The following METTL15 variants were observed in gnomAD, a reference collection of about 807,000 sequenced individuals.
METTL15 encodes the protein methyltransferase 15, mitochondrial 12S rRNA N4-cytidine.
Under a neutral mutation model 38.3 loss-of-function variants are expected in METTL15, and 34 were observed. The observed-to-expected ratio is 0.89, with a 90% CI of 0.68 to 1.18. The LOEUF is 1.18. METTL15 is among the 50% of genes most tolerant of loss of function. The pLI is 0.00. For synonymous variants in METTL15, 162 were observed against 170.9 expected, an observed-to-expected ratio of 0.95 and a Z score of 0.41; for missense variants, 438 against 498.4, an observed-to-expected ratio of 0.88 and a Z score of 1.15.
At chr11:28,453,221 T>A (rs1851138366) in intron 6 of METTL15, among the ~76,000 whole-genome samples, 1 of 152,182 alleles carries the variant, frequency 6.6e-6, no homozygotes, top group East Asian at 1.9e-4. Context: ...AGGCCTAAGT[T>A]TTTTCCTACT....
chr11:28,273,671 A>G (rs891931436), intron 4 of METTL15, among the ~76,000 whole-genome samples: 2 of 152,096 alleles, frequency 1.3e-5, no homozygotes, highest in African/African-American at 4.8e-5. Flanking sequence ...ACAGTAGTCA[A>G]CTACCTAAAA....
At chr11:28,267,160 CAAAAAAAAAAAA>C (rs57831121) in intron 4 of METTL15, among the ~76,000 whole-genome samples, 1 of 53,758 alleles carries the variant, frequency 1.9e-5, no homozygotes, top group Admixed American at 2.1e-4. Flanking sequence ...AACTCCATCT[CAAAAAAAAAAAA>C]AAAAAAAAAA....
chr11:28,132,198 T>A (rs1849361271), intron 3 of METTL15, among the ~76,000 whole-genome samples: 1 of 152,190 alleles, frequency 6.6e-6, no homozygotes, highest in Admixed American at 6.5e-5. Flanking sequence ...GAAGCCAGAC[T>A]TGTAAAAACG....
chr11:28,283,865 T>C (rs1565223275), intron 4 of METTL15, among the ~76,000 whole-genome samples: 1 of 152,084 alleles, frequency 6.6e-6, no homozygotes, highest in East Asian at 1.9e-4. Context: ...CTTTTAACAC[T>C]TGTAAAATGC....
intron 6 of METTL15, among the ~76,000 whole-genome samples, chr11:28,457,581 C>T (rs1036855722): frequency 7.2e-5 from 11 of 152,132 alleles, no homozygotes; most frequent in African/African-American, 1.7e-4. Context: ...GTGACTTCAT[C>T]GAAAACTCAC....
At chr11:28,368,144 AAAAAAAACAAAAAAAAAAACAAAG>A (rs1265505186) in intron 5 of METTL15, among the ~76,000 whole-genome samples, 1 of 138,996 alleles carries the variant, frequency 7.2e-6, no homozygotes, top group South Asian at 2.4e-4. Context: ...AAAAAAAAAC[AAAAAAAACAAAAAAAAAAACAAAG>A]AAAAAAACAG....
chr11:28,343,524 C>T (rs1173432472), intron 3 of METTL15, among the ~76,000 whole-genome samples: 1 of 152,172 alleles, frequency 6.6e-6, no homozygotes, highest in Non-Finnish European at 1.5e-5. Flanking sequence ...CTGTTTGGGC[C>T]TGGGAAAAGT....
intron 2 of METTL15, among the ~76,000 whole-genome samples, chr11:28,111,448 T>C (rs564950172): frequency 6.6e-6 from 1 of 152,350 alleles, no homozygotes; most frequent in African/African-American, 2.4e-5. Flanking sequence ...CAGCATACTG[T>C]TATTTTTAAG....
chr11:28,236,402 C>T (rs953638995), intron 4 of METTL15, among the ~76,000 whole-genome samples: 9 of 152,082 alleles, frequency 5.9e-5, no homozygotes, highest in African/African-American at 2.2e-4. Context: ...CTCCTTGTAC[C>T]TCTGGTAGAA....
At chr11:28,452,527 A>G (rs1484396172) in intron 6 of METTL15, among the ~76,000 whole-genome samples, 1 of 152,226 alleles carries the variant, frequency 6.6e-6, no homozygotes, top group Non-Finnish European at 1.5e-5. Flanking sequence ...GTAAGATCAC[A>G]TGGTGGTGAT....
intron 3 of METTL15, among the ~76,000 whole-genome samples, chr11:28,142,878 G>A (rs1183912021): frequency 6.6e-6 from 1 of 152,146 alleles, no homozygotes; most frequent in East Asian, 1.9e-4. Flanking sequence ...TTGTGCAACA[G>A]TAGATGAAAG....
intron 6 of METTL15, among the ~76,000 whole-genome samples, chr11:28,326,074 A>G (rs977020701): frequency 1.6e-4 from 24 of 152,208 alleles, no homozygotes; most frequent in African/African-American, 5.1e-4. Flanking sequence ...TGAATTAGCC[A>G]TATTAGACTC....
intron 3 of METTL15, among the ~76,000 whole-genome samples, chr11:28,201,734 A>G (rs572927391): frequency 5.1e-4 from 77 of 150,994 alleles, no homozygotes; most frequent in Middle Eastern, 3.4e-3. Flanking sequence ...ATGAGATCAG[A>G]GACCATATCT....
intron 3 of METTL15, among the ~76,000 whole-genome samples, chr11:28,137,800 T>C (rs11500203): frequency 0.086 from 13,006 of 151,714 alleles, 955 homozygotes; most frequent in East Asian, 0.35. Flanking sequence ...TTTTTTTTTT[T>C]CAAAAAATAT....
At chr11:28,190,309 C>T (rs1851653922) in intron 3 of METTL15, among the ~76,000 whole-genome samples, 1 of 150,902 alleles carries the variant, frequency 6.6e-6, no homozygotes, top group Non-Finnish European at 1.5e-5. Flanking sequence ...GAATAGAGGT[C>T]AATTATTATT....
intron 6 of METTL15, among the ~76,000 whole-genome samples, chr11:28,450,678 T>C (rs1426817616): frequency 6.6e-6 from 1 of 152,236 alleles, no homozygotes; most frequent in East Asian, 1.9e-4. Context: ...TATTGGACTT[T>C]AGTGGATTCA....
intron 3 of METTL15, among the ~76,000 whole-genome samples, chr11:28,197,222 T>C (rs1851941472): frequency 6.6e-6 from 1 of 151,834 alleles, no homozygotes; most frequent in South Asian, 2.1e-4. Flanking sequence ...CTGCTGGAAG[T>C]GTATTATCGA....
chr11:28,441,061 T>C (rs1851030814), intron 6 of METTL15, among the ~76,000 whole-genome samples: 1 of 32,544 alleles, frequency 3.1e-5, no homozygotes, highest in Admixed American at 2.2e-4. Flanking sequence ...TGACACTACT[T>C]TTTTTTTTTT....
At chr11:28,530,630 A>G (rs1851839035), downstream of METTL15, among the ~76,000 whole-genome samples, 1 of 152,248 alleles carries the variant, frequency 6.6e-6, no homozygotes, top group South Asian at 2.1e-4. Context: ...ATACCATTCT[A>G]AAGACATGCG....
Sources: allele counts gnomAD v4.1 joint callset (sites outside exome capture counted in the v4.1 genomes callset), GRCh38; gene constraint gnomAD v4.1.1; transcripts MANE v1.5; gene names NCBI Gene and HGNC (gene_info 2026-07-23, HGNC 2026-07-21).